The following MECR variants were observed in gnomAD, a reference collection of about 807,000 sequenced individuals.
MECR encodes the protein mitochondrial trans-2-enoyl-CoA reductase.
In MECR, 37 loss-of-function variants were observed where a neutral mutation model predicts 49.1. The observed-to-expected ratio is 0.75, with a 90% confidence interval of 0.58 to 0.99. The LOEUF is 0.99. Ranked by LOEUF, MECR falls within the 50% of genes least tolerant of loss-of-function variation. The probability of loss-of-function intolerance (pLI) is 0.00; values close to 1 mark genes in which losing one functional copy is unlikely to be tolerated. For missense variants in MECR, 470 were observed against 479.6 expected (o/e 0.98, Z 0.19); for synonymous variants, 198 against 191.1 (o/e 1.04, Z -0.30).
chr1:29,199,805 G>C (rs1276414428), intron 7 of MECR, among the ~76,000 whole-genome samples: 1 of 152,072 alleles, frequency 6.6e-6, no homozygotes, highest in Non-Finnish European at 1.5e-5. Context: ...ATTTTTAGTA[G>C]AGATGGAGTT....
intron 1 of MECR, chr1:29,224,719 C>T (rs1159611188): frequency 6.6e-6 from 1 of 152,222 alleles, no homozygotes; most frequent in Non-Finnish European, 1.5e-5. Context: ...TTCATTTTAT[C>T]AAGGAGTAAC....
chr1:29,216,210 C>A lies in MECR; in HGVS notation c.275-74G>T, dbSNP rs1057185220. 3.2e-6 allele frequency: 5 copies of A among 1,553,272 alleles called. No individual in the cohort carries two copies. In the African/African-American group the frequency reaches 6.8e-5, roughly 21 times the overall value. On this transcript the variant is annotated intron_variant, in intron 2 of 9. Coordinates refer to ENST00000263702, the MANE Select transcript of MECR (RefSeq NM_016011.5). ...AAAGAGCATGGACTTGAGTCCACGC[C>A]ATCCTAGGCCTGATCTGGGCTCTGC...
At chr1:29,195,732 G>A (rs1486981921) in intron 9 of MECR, among the ~76,000 whole-genome samples, 1 of 152,196 alleles carries the variant, frequency 6.6e-6, no homozygotes, top group African/African-American at 2.4e-5. Context: ...CGGGGGCAGT[G>A]TCTGTCTTGT....
chr1:29,188,551 A>G (rs1449798618), downstream of MECR, among the ~76,000 whole-genome samples: 1 of 152,086 alleles, frequency 6.6e-6, no homozygotes, highest in Non-Finnish European at 1.5e-5. Flanking sequence ...CACTGGGTGG[A>G]TGGTCCCAGA....
the MECR span, among the ~76,000 whole-genome samples, chr1:29,168,012 C>CT: frequency 0.36 from 47,901 of 133,184 alleles, 9,750 homozygotes; most frequent in Non-Finnish European, 0.46. Context: ...GTTCTAATTC[C>CT]TTTTTTTTTT....
At position 29,196,312 on chromosome 1, in the gene MECR, C is replaced by T; in HGVS notation, c.831-54G>A. Reference sequence around the variant, plus strand: ...GATGCAAGGCAGAGACAGAGCCCTTCCTGAACCTGCCATGGCGCTTCTACT... The same window carrying T: ...GATGCAAGGCAGAGACAGAGCCCTTTCTGAACCTGCCATGGCGCTTCTACT... On this transcript the variant is annotated intron_variant, in intron 7 of 9. Coordinates refer to ENST00000263702, the MANE Select transcript of MECR (RefSeq NM_016011.5). The T allele has an allele frequency of 3.4e-6, 5 of 1,487,610 alleles. No homozygotes were observed. In the South Asian group the frequency reaches 4.9e-5, roughly 15 times the overall value. 92.2% of individuals were successfully genotyped at this position (1,487,610 alleles called of 1,614,324 possible). A position where few individuals can be genotyped will look rare whatever the true frequency, so the allele number is the denominator to read the frequency against.
At chr1:29,213,796 T>C (rs1678630130) in intron 3 of MECR, among the ~76,000 whole-genome samples, 1 of 152,232 alleles carries the variant, frequency 6.6e-6, no homozygotes, top group Admixed American at 6.5e-5. Context: ...GCATTTACTG[T>C]TATATCACCT....
At chr1:29,181,554 G>A in the MECR span, 2 of 1,143,090 alleles carry the variant, frequency 1.7e-6, no homozygotes, top group South Asian at 1.6e-5. Flanking sequence ...GCCGCTCCGC[G>A]CGGACCAGGC....
chr1:29,187,992 G>C (rs1410923722), downstream of MECR, among the ~76,000 whole-genome samples: 3 of 129,498 alleles, frequency 2.3e-5, no homozygotes, highest in Admixed American at 8.7e-5. Context: ...AGCTGAGATT[G>C]TGCCACTGCA....
At position 29,201,530 on chromosome 1, in the gene MECR, A is replaced by G. The variant is rs1267719076; in HGVS notation, c.756+413T>C. On this transcript the variant is annotated intron_variant, in intron 6 of 9. Coordinates refer to ENST00000263702, the MANE Select transcript of MECR (RefSeq NM_016011.5). The surrounding 1 kb of genome is among the most constrained non-coding windows in gnomAD (Gnocchi z 4.3). ...CTTAGTTTCCTAATCTGTAAAACAG[A>G]TAACAGTTCCTTTGAAAAGCTTTTG... 2 of 461,812 alleles carry G rather than the reference A, an allele frequency of 4.3e-6. No individual in the cohort carries two copies. Among genetic ancestry groups the G allele is most frequent in the Admixed American group, 2.6e-5 (1 of 38,038 alleles). The allele number at this position is 461,812 out of a possible 1,614,324, so 28.6% of individuals were successfully genotyped here.
the MECR span, among the ~76,000 whole-genome samples, chr1:29,182,690 C>G: frequency 6.6e-6 from 1 of 152,080 alleles, no homozygotes; most frequent in Admixed American, 6.5e-5. Context: ...ACTACAGGCG[C>G]CCGCCCCCAC....
intron 3 of MECR, among the ~76,000 whole-genome samples, chr1:29,212,422 T>C (rs950129731): frequency 3.9e-5 from 6 of 152,062 alleles, no homozygotes; most frequent in Admixed American, 2.0e-4. Flanking sequence ...TCTCAAAAGA[T>C]AAACAAAACA....
intron 3 of MECR, among the ~76,000 whole-genome samples, chr1:29,207,854 G>A (rs563894384): frequency 6.6e-6 from 1 of 152,276 alleles, no homozygotes; most frequent in African/African-American, 2.4e-5. Flanking sequence ...TAATGTCACC[G>A]TGCAGGTAGT....
In MECR at chr1:29,196,264, A is replaced by G. The variant is rs2151844752; in HGVS notation, c.831-6T>C. The G allele has an allele frequency of 6.2e-7, 1 of 1,610,034 alleles. No homozygotes were observed. Among genetic ancestry groups the G allele is most frequent in the Non-Finnish European group, 8.5e-7 (1 of 1,177,176 alleles). On this transcript the variant is annotated splice_polypyrimidine_tract_variant and splice_region_variant and intron_variant, in intron 7 of 9. Coordinates refer to ENST00000263702, the MANE Select transcript of MECR (RefSeq NM_016011.5). The stretch of plus-strand genomic sequence containing the variant: ...TTACCATGGTTCCTCCACGCCTGAA[A>G]AGTCCAAAGAGAACAAAGAGTGGAT...
At chr1:29,223,332 G>A (rs1056720244) in intron 1 of MECR, 1 of 975,610 alleles carries the variant, frequency 1.0e-6, no homozygotes, top group Non-Finnish European at 1.2e-6. Context: ...GGGGGGAAAA[G>A]AGGCCAGTAC....
downstream of MECR, among the ~76,000 whole-genome samples, chr1:29,189,099 C>T (rs949860526): frequency 2.6e-5 from 4 of 152,188 alleles, 1 homozygote; most frequent in Admixed American, 2.6e-4. Flanking sequence ...ACCACCACTC[C>T]CGGCTAATTT....
At chr1:29,182,966 G>A in the MECR span, among the ~76,000 whole-genome samples, 6 of 152,244 alleles carry the variant, frequency 3.9e-5, no homozygotes, top group East Asian at 1.2e-3. Flanking sequence ...AACATGGTAA[G>A]AGCTCAATAA....
the MECR span, among the ~76,000 whole-genome samples, chr1:29,175,694 CA>C: frequency 2.5e-3 from 95 of 38,560 alleles, no homozygotes; most frequent in South Asian, 8.7e-3. Context: ...GACGCTGTCT[CA>C]AAAAAAAAAA....
At chr1:29,227,719 C>A (rs1482487317) in intron 1 of MECR, among the ~76,000 whole-genome samples, 1 of 152,186 alleles carries the variant, frequency 6.6e-6, no homozygotes, top group Non-Finnish European at 1.5e-5. Flanking sequence ...CCTGGTGTAA[C>A]CTGACCCAGA....
Sources: allele counts gnomAD v4.1 joint callset (sites outside exome capture counted in the v4.1 genomes callset), GRCh38; gene constraint gnomAD v4.1.1; non-coding constraint Gnocchi (gnomAD v3.1); transcripts MANE v1.5; gene names NCBI Gene and HGNC (gene_info 2026-07-23, HGNC 2026-07-21).